SNX19: variants seen among roughly 807,000 people sequenced by gnomAD.
The protein encoded by SNX19 is sorting nexin 19.
Under a neutral mutation model 85.2 loss-of-function variants are expected in SNX19, and 60 were observed. That is an observed-to-expected ratio of 0.70 (90% CI 0.57 to 0.87). The LOEUF (loss-of-function observed/expected upper bound fraction) is 0.87, where lower values mean the gene tolerates loss of function less well. Ranked by LOEUF, SNX19 falls within the 40% of genes least tolerant of loss-of-function variation. The pLI, the probability that SNX19 is intolerant of heterozygous loss-of-function variation, is 0.00. For synonymous variants in SNX19, 520 were observed against 470.0 expected (o/e 1.11, Z -1.38); for missense variants, 1,201 against 1,217.8 (o/e 0.99, Z 0.21).
intron 8 of SNX19, among the ~76,000 whole-genome samples, chr11:130,900,944 T>G (rs924252738): frequency 1.3e-5 from 2 of 152,242 alleles, no homozygotes; most frequent in African/African-American, 4.8e-5. Context: ...ATTTCTTTAT[T>G]CAATATTTAA....
intron 8 of SNX19, 30 bp from the exon 9 acceptor site, chr11:130,880,836 T>A: frequency 2.6e-6 from 4 of 1,512,268 alleles, no homozygotes; most frequent in Non-Finnish European, 3.6e-6. Context: ...AAAGCTTAGA[T>A]AAAGCTGAAG....
intron 8 of SNX19, chr11:130,894,979 A>C: frequency 1.0e-6 from 1 of 985,422 alleles, no homozygotes; most frequent in Non-Finnish European, 1.2e-6. Context: ...GGTTTGTTCT[A>C]AGTCACATAG....
Position 130,872,402 on chromosome 11 carries a change from C to A in SNX19, c.*6020G>T, listed in dbSNP as rs1405294675. ...ACCAAGTCACAGAAGGAAAAAGATTCTGATGATTTTCACTTGTTTCACGCT... is the reference window on the plus strand; with the variant it reads ...ACCAAGTCACAGAAGGAAAAAGATTATGATGATTTTCACTTGTTTCACGCT... On this transcript the variant is annotated 3_prime_UTR_variant, in exon 11 of 11. Transcript: ENST00000265909. Among the ~76,000 whole-genome samples, 2 of 152,110 alleles carry A rather than the reference C, an allele frequency of 1.3e-5. No homozygotes were observed. The highest frequency in any genetic ancestry group is 4.8e-5 in the African/African-American group (2 of 41,428).
rs772033127 is a variant in SNX19, at chr11:130,915,732, C to T, written c.208G>A (p.Ala70Thr). 28 of 1,614,080 alleles carry T rather than the reference C, an allele frequency of 1.7e-5. 1 individual carries two copies. In the South Asian group the frequency reaches 3.0e-4, roughly 17 times the overall value. Reference protein sequence around the residue: ...VLGGWLGSSLAGVASGRLHLE... With the variant: ...VLGGWLGSSLTGVASGRLHLE... ...TGCAGTCGACCTGAAGCCACTCCAG[C>T]GAGGCTGGAGCCCAGCCATCCTCCC... The change falls in exon 1 of 11, where the codon GCT (alanine) becomes ACT (threonine). Residue 70 changes from alanine (A) to threonine (T), a missense_variant. Ala to Thr is a moderately conservative substitution (Grantham distance 58). Transcript: ENST00000265909.
chr11:130,912,652 T>C (rs1039806746), intron 1 of SNX19, among the ~76,000 whole-genome samples: 1 of 151,770 alleles, frequency 6.6e-6, no homozygotes. Context: ...TTGTGGCTGG[T>C]GCTTTACAAT....
chr11:130,866,290 GGA>G lies in SNX19; in HGVS notation c.*12130_*12131del, dbSNP rs1251707788. The G allele has an allele frequency of 6.6e-6, 1 of 152,158 alleles. No individual in the cohort carries two copies. The highest frequency in any genetic ancestry group is 1.5e-5 in the Non-Finnish European group (1 of 68,030). The allele number at this position is 152,158 out of a possible 1,614,324, so 9.4% of individuals were successfully genotyped here. ...ATTTACTAAGCATTTTTTATGTGCA[GGA>G]GAGAGTACAAACCAACATGCAACAT... On this transcript the variant is annotated 3_prime_UTR_variant, in exon 11 of 11. Transcript: ENST00000265909.
intron 8 of SNX19, among the ~76,000 whole-genome samples, chr11:130,889,532 T>C (rs1218980185): frequency 5.9e-5 from 2 of 33,904 alleles, no homozygotes; most frequent in African/African-American, 9.5e-5. Context: ...TTGCAAAACT[T>C]TGAGTGATAC....
At chr11:130,883,118 T>G (rs1173122589) in intron 8 of SNX19, among the ~76,000 whole-genome samples, 1 of 152,230 alleles carries the variant, frequency 6.6e-6, no homozygotes, top group East Asian at 1.9e-4. Flanking sequence ...ATGTGTGGGA[T>G]GCAAAATGAA....
chr11:130,903,192 G>A, intron 8 of SNX19, 63 bp downstream of exon 8: 1 of 1,602,284 alleles, frequency 6.2e-7, no homozygotes, highest in Non-Finnish European at 8.5e-7. Context: ...ACACTATTCA[G>A]CATCACATCC....
Position 130,872,102 on chromosome 11 carries a change from G to C in SNX19, c.*6320C>G, listed in dbSNP as rs1445280068. Among the ~76,000 whole-genome samples, 1 of 152,162 alleles carries C rather than the reference G, an allele frequency of 6.6e-6. No homozygotes were observed. The highest frequency in any genetic ancestry group is 1.5e-5 in the Non-Finnish European group (1 of 68,034). On this transcript the variant is annotated 3_prime_UTR_variant, in exon 11 of 11. Coordinates refer to ENST00000265909, the MANE Select transcript of SNX19 (RefSeq NM_014758.3). ...CGGAAGCGCTTGCAGGTAAGGCTTG[G>C]AGAAGTGAAGACAGGTGGAAAAACC...
intron 8 of SNX19, chr11:130,895,077 C>T (rs1385546819): frequency 5.1e-6 from 5 of 985,292 alleles, no homozygotes; most frequent in Non-Finnish European, 4.8e-6. Context: ...GAAAGTACAA[C>T]AGCAGGAGAT....
rs1216501984 is a variant in SNX19 at position 130,911,660 on chromosome 11, T to C, written c.1786A>G (p.Lys596Glu). Residue 596 changes from lysine (K) to glutamate (E), a missense_variant, in exon 2 of 11, where the codon AAA (lysine) becomes GAA (glutamate). Lys to Glu is a moderately conservative substitution (Grantham distance 56). Around this residue, in one of 3 missense-constraint regions of SNX19, gnomAD observed 791 missense variants for 750.9 expected, o/e 1.05. Transcript: ENST00000265909. Reference sequence around the variant, plus strand: ...TTGATGAACTTTCGTAGATCTGGTTTCTCCTCCAGACGGGTCTGCAGATTC... The same window carrying C: ...TTGATGAACTTTCGTAGATCTGGTTCCTCCTCCAGACGGGTCTGCAGATTC... ...FLNLQTRLEE[K>E]PDLRKFIKNV... is the part of the protein sequence containing the mutation. 1 of 1,614,114 alleles carries C rather than the reference T, an allele frequency of 6.2e-7. No homozygotes were observed. Among genetic ancestry groups the C allele is most frequent in the Admixed American group, 1.7e-5 (1 of 60,018 alleles).
intron 5 of SNX19, among the ~76,000 whole-genome samples, chr11:130,907,282 T>A (rs1039726914): frequency 6.6e-6 from 1 of 152,224 alleles, no homozygotes; most frequent in Non-Finnish European, 1.5e-5. Flanking sequence ...GGTTAGGTAC[T>A]GTGAGTCTGT....
chr11:130,895,211 C>T (rs1944796529), intron 8 of SNX19: 1 of 985,326 alleles, frequency 1.0e-6, no homozygotes, highest in South Asian at 4.7e-5. Flanking sequence ...GCCCCCAAAC[C>T]TCTTTGCTTA....
rs578213470 is a variant in SNX19 at position 130,878,588 on chromosome 11, C to T, written c.2847-34G>A. 37 of 1,603,754 alleles carry T rather than the reference C, an allele frequency of 2.3e-5. No homozygotes were observed. The Admixed American group carries it at 3.9e-4, about 17-fold the overall frequency. ...AATGGACAAAAAACTTAGGGTCTGG[C>T]TCAATCAGGAAACACAAGATCCTGT... On this transcript the variant is annotated intron_variant, in intron 10 of 10. Coordinates refer to ENST00000265909, the MANE Select transcript of SNX19 (RefSeq NM_014758.3).
rs1366556399 is a variant in SNX19 at position 130,866,290 on chromosome 11, G to C, written c.*12132C>G. On this transcript the variant is annotated 3_prime_UTR_variant, in exon 11 of 11. Transcript: ENST00000265909. Reference sequence around the variant, plus strand: ...ATTTACTAAGCATTTTTTATGTGCAGGAGAGAGTACAAACCAACATGCAAC... The same window carrying C: ...ATTTACTAAGCATTTTTTATGTGCACGAGAGAGTACAAACCAACATGCAAC... 1 of 152,158 alleles carries C rather than the reference G, an allele frequency of 6.6e-6. No individual in the cohort carries two copies. The highest frequency in any genetic ancestry group is 1.9e-4 in the East Asian group (1 of 5,196). 9.4% of individuals were successfully genotyped at this position (152,158 alleles called of 1,614,324 possible).
At chr11:130,909,236 G>C (rs1057446151) in intron 4 of SNX19, among the ~76,000 whole-genome samples, 3 of 152,178 alleles carry the variant, frequency 2.0e-5, no homozygotes, top group Non-Finnish European at 1.5e-5. Flanking sequence ...ATGGAACTCT[G>C]GGCATTTACC....
At chr11:130,911,571 G>A in intron 2 of SNX19, 62 bp downstream of exon 2, 1 of 1,605,964 alleles carries the variant, frequency 6.2e-7, no homozygotes, top group East Asian at 2.2e-5. Context: ...AAACCAACAG[G>A]CCAATCAGCG....
At chr11:130,898,305 A>G (rs1945022354) in intron 8 of SNX19, among the ~76,000 whole-genome samples, 1 of 152,186 alleles carries the variant, frequency 6.6e-6, no homozygotes, top group South Asian at 2.1e-4. Context: ...CTTGGGGATA[A>G]TAATACTGGA....
Sources: allele counts gnomAD v4.1 joint callset (sites outside exome capture counted in the v4.1 genomes callset), GRCh38; gene constraint gnomAD v4.1.1; regional missense constraint gnomAD v4.1.1; transcripts MANE v1.5; gene names NCBI Gene and HGNC (gene_info 2026-07-23, HGNC 2026-07-21).